Variants in SLC35F4 observed in about 807,000 individuals in gnomAD.
SLC35F4 encodes the protein chromosome 14 open reading frame 36.
A neutral mutation model predicts 44.2 loss-of-function variants in SLC35F4; 24 were observed. That is an observed-to-expected ratio of 0.54 (90% CI 0.39 to 0.76). The LOEUF (loss-of-function observed/expected upper bound fraction) is 0.76. SLC35F4 is among the 30% of genes least tolerant of loss of function. The pLI, the probability that SLC35F4 is intolerant of heterozygous loss-of-function variation, is 0.00. For synonymous variants in SLC35F4, 238 were observed against 223.6 expected, an observed-to-expected ratio of 1.06 and a Z score of -0.57; for missense variants, 562 against 586.1, an observed-to-expected ratio of 0.96 and a Z score of 0.42.
intron 1 of SLC35F4, among the ~76,000 whole-genome samples, chr14:57,951,882 C>T (rs1206896364): frequency 1.3e-5 from 2 of 152,206 alleles, no homozygotes; most frequent in African/African-American, 4.8e-5. Context: ...GATGTTTCTG[C>T]CTGCCAGCTC....
intron 1 of SLC35F4, among the ~76,000 whole-genome samples, chr14:57,643,069 T>C (rs1001310651): frequency 3.2e-5 from 3 of 94,926 alleles, no homozygotes; most frequent in African/African-American, 5.8e-5. Flanking sequence ...TTAATCTAAT[T>C]AGCCCAAATA....
intron 1 of SLC35F4, among the ~76,000 whole-genome samples, chr14:57,756,820 A>G (rs944696302): frequency 2.1e-5 from 3 of 143,182 alleles, no homozygotes; most frequent in Non-Finnish European, 4.7e-5. Context: ...AAATCTGCCT[A>G]ATTTTTTTTT....
chr14:57,766,392 A>G (rs1045524597), intron 1 of SLC35F4, among the ~76,000 whole-genome samples: 1 of 152,098 alleles, frequency 6.6e-6, no homozygotes, highest in African/African-American at 2.4e-5. Context: ...GATTTGTTCC[A>G]CTCTTGGGTC....
intron 1 of SLC35F4, among the ~76,000 whole-genome samples, chr14:57,706,421 G>A (rs2140384118): frequency 6.6e-6 from 1 of 152,270 alleles, no homozygotes; most frequent in East Asian, 1.9e-4. Context: ...CAGGTTTATT[G>A]AAGGTGGCCA....
downstream of SLC35F4, among the ~76,000 whole-genome samples, chr14:57,974,598 C>T (rs1018400509): frequency 6.6e-6 from 1 of 152,122 alleles, no homozygotes. Flanking sequence ...GTTCAGGGTA[C>T]TCAGGGGACA....
At chr14:57,891,256 T>C (rs1888757918) in intron 1 of SLC35F4, among the ~76,000 whole-genome samples, 1 of 152,224 alleles carries the variant, frequency 6.6e-6, no homozygotes. Context: ...ATTCACTCAT[T>C]CAGTGAAATT....
chr14:57,826,320 T>C (rs530386036), intron 1 of SLC35F4, among the ~76,000 whole-genome samples: 23 of 152,036 alleles, frequency 1.5e-4, no homozygotes, highest in African/African-American at 5.1e-4. Flanking sequence ...ATGCAGAAAA[T>C]TGAAACTGGA....
In SLC35F4 at chr14:57,834,527, CA is replaced by C. The variant is rs534401510; in HGVS notation, c.103+31195del. ...TTACAAAGTAAAATGATGACAATTGCAAAACATCTCAGTAGAACTGGTACCT... is the reference window on the plus strand; with the variant it reads ...TTACAAAGTAAAATGATGACAATTGCAAACATCTCAGTAGAACTGGTACCT... On this transcript the variant is annotated intron_variant, in intron 1 of 7. Transcript: ENST00000556826. 5.3e-5 allele frequency among the ~76,000 whole-genome samples: 8 copies of C among 152,222 alleles called. No individual in the cohort carries two copies. The East Asian group carries it at 1.2e-3, about 22-fold the overall frequency.
chr14:57,833,372 C>T (rs1050727088), intron 1 of SLC35F4, among the ~76,000 whole-genome samples: 3 of 152,212 alleles, frequency 2.0e-5, no homozygotes, highest in Non-Finnish European at 4.4e-5. Context: ...ATTACCCAGG[C>T]TTTGCACCCC....
chr14:57,957,886 C>G (rs1316863682), intron 1 of SLC35F4, among the ~76,000 whole-genome samples: 1 of 151,754 alleles, frequency 6.6e-6, no homozygotes, highest in East Asian at 1.9e-4. Context: ...CTATGTAATA[C>G]ACACACACAC....
chr14:57,946,529 C>T (rs1436257555), intron 1 of SLC35F4, among the ~76,000 whole-genome samples: 1 of 133,108 alleles, frequency 7.5e-6, no homozygotes, highest in Non-Finnish European at 1.5e-5. Flanking sequence ...GGTTGGAGTG[C>T]AGTGGCACGA....
At chr14:57,822,213 T>C (rs763819486) in intron 1 of SLC35F4, among the ~76,000 whole-genome samples, 86 of 152,216 alleles carry the variant, frequency 5.6e-4, no homozygotes, top group Non-Finnish European at 1.1e-3. Flanking sequence ...ATTTGTGTAG[T>C]TACCTGACTA....
rs902771299 is a variant in SLC35F4, at chr14:57,650,749, C to T, written c.104-56625G>A. 5.3e-5 allele frequency among the ~76,000 whole-genome samples: 8 copies of T among 152,286 alleles called. No homozygotes were observed. The East Asian group carries it at 9.7e-4, about 18-fold the overall frequency. On this transcript the variant is annotated intron_variant, in intron 1 of 7. Coordinates refer to ENST00000556826, the MANE Select transcript of SLC35F4 (RefSeq NM_001306087.2). ...CTTTCCTTAGGCTTACAAAGTCCTC[C>T]GTGGTCCATCCCTGCCCACCCCTCC...
chr14:57,829,215 G>C (rs1008708596), intron 1 of SLC35F4, among the ~76,000 whole-genome samples: 1 of 152,160 alleles, frequency 6.6e-6, no homozygotes, highest in Non-Finnish European at 1.5e-5. Flanking sequence ...AATTAAACCA[G>C]ATCTTGAAAT....
intron 1 of SLC35F4, among the ~76,000 whole-genome samples, chr14:57,713,255 G>C (rs2075856206): frequency 6.6e-6 from 1 of 152,116 alleles, no homozygotes; most frequent in Non-Finnish European, 1.5e-5. Context: ...GTCCTACACA[G>C]TATGACAGCA....
At chr14:57,573,106 C>T (rs1340187589) in intron 4 of SLC35F4, among the ~76,000 whole-genome samples, 2 of 143,604 alleles carry the variant, frequency 1.4e-5, no homozygotes, top group Non-Finnish European at 3.1e-5. Context: ...ATGTGATTTT[C>T]GGGGGCCCTT....
At chr14:57,627,286 G>A (rs1392436663) in intron 1 of SLC35F4, among the ~76,000 whole-genome samples, 1 of 151,958 alleles carries the variant, frequency 6.6e-6, no homozygotes, top group Non-Finnish European at 1.5e-5. Flanking sequence ...ATTTATCTTC[G>A]TAGTCTCAAA....
At chr14:57,649,139 T>G (rs912529946) in intron 1 of SLC35F4, among the ~76,000 whole-genome samples, 2 of 152,226 alleles carry the variant, frequency 1.3e-5, no homozygotes, top group Non-Finnish European at 2.9e-5. Flanking sequence ...TTCCTTTCCT[T>G]CACATCACAG....
intron 1 of SLC35F4, among the ~76,000 whole-genome samples, chr14:57,818,066 A>G (rs2140903603): frequency 6.6e-6 from 1 of 152,260 alleles, no homozygotes; most frequent in East Asian, 1.9e-4. Flanking sequence ...TGGGCTCCCA[A>G]CTTCAACATC....
Sources: gnomAD v4.1 joint callset for allele counts (sites outside exome capture counted in the v4.1 genomes callset) on GRCh38, gnomAD v4.1.1 for gene constraint, MANE v1.5 for transcripts, NCBI Gene and HGNC (gene_info 2026-07-23, HGNC 2026-07-21) for gene names.